The following NAALADL2 variants were observed in gnomAD, a reference collection of about 807,000 sequenced individuals.
The protein encoded by NAALADL2 is inactive N-acetylated-alpha-linked acidic dipeptidase-like protein 2.
A neutral mutation model predicts 87.2 loss-of-function variants in NAALADL2; 76 were observed. The ratio of observed to expected loss-of-function variants is 0.87; its 90% CI spans 0.72 to 1.05. The LOEUF is 1.05. Ranked by LOEUF, NAALADL2 falls within the 50% of genes least tolerant of loss-of-function variation. The pLI is 0.00. For missense variants in NAALADL2, 1,089 were observed against 945.8 expected (o/e 1.15, Z -1.99); for synonymous variants, 354 against 331.0 (o/e 1.07, Z -0.75).
At chr3:174,593,404 T>C (rs1037447555) in intron 2 of NAALADL2, among the ~76,000 whole-genome samples, 2 of 152,150 alleles carry the variant, frequency 1.3e-5, no homozygotes, top group African/African-American at 4.8e-5. Flanking sequence ...CTGCTATTCA[T>C]ATCTTTACTT....
At chr3:174,880,049 C>T (rs950020036) in intron 1 of NAALADL2, among the ~76,000 whole-genome samples, 5 of 152,032 alleles carry the variant, frequency 3.3e-5, no homozygotes, top group Middle Eastern at 3.2e-3. Flanking sequence ...TACCTGCTTT[C>T]TTAATATTGG....
chr3:174,800,659 C>A (rs1254600902), intron 3 of NAALADL2, among the ~76,000 whole-genome samples: 1 of 152,084 alleles, frequency 6.6e-6, no homozygotes, highest in Non-Finnish European at 1.5e-5. Context: ...GTCTTCCAGA[C>A]CCTGGAATGC....
At chr3:175,025,807 T>G (rs546216043) in intron 1 of NAALADL2, among the ~76,000 whole-genome samples, 2 of 152,222 alleles carry the variant, frequency 1.3e-5, no homozygotes, top group South Asian at 4.1e-4. Context: ...TTTTCAGTTT[T>G]GTTTATTTGT....
intron 10 of NAALADL2, among the ~76,000 whole-genome samples, chr3:175,587,192 A>G (rs2149590656): frequency 6.6e-6 from 1 of 152,338 alleles, no homozygotes; most frequent in Non-Finnish European, 1.5e-5. Flanking sequence ...GTAAAAGGAA[A>G]TAAATGCTTA....
chr3:175,168,831 C>T (rs572446326), intron 2 of NAALADL2, among the ~76,000 whole-genome samples: 25 of 151,834 alleles, frequency 1.6e-4, no homozygotes, highest in Admixed American at 1.1e-3. Context: ...TAAAAATATG[C>T]GGTAGGATAT....
chr3:175,460,847 C>A (rs114883884), intron 6 of NAALADL2, among the ~76,000 whole-genome samples: 1 of 152,094 alleles, frequency 6.6e-6, no homozygotes, highest in Non-Finnish European at 1.5e-5. Context: ...CCAAAGAGTG[C>A]GCAGCAGCAA....
chr3:175,225,728 CT>C (rs1019822495), intron 2 of NAALADL2, among the ~76,000 whole-genome samples: 1 of 151,974 alleles, frequency 6.6e-6, no homozygotes, highest in Non-Finnish European at 1.5e-5. Flanking sequence ...TCAAAAGTTT[CT>C]GTGTATTGAC....
At position 175,464,409 on chromosome 3, in the gene NAALADL2, G is replaced by A. The variant is rs563716041; in HGVS notation, c.1327+916G>A. On this transcript the variant is annotated intron_variant, in intron 7 of 13. Coordinates refer to ENST00000454872, the MANE Select transcript of NAALADL2 (RefSeq NM_207015.3). ...ACTGCTCTCTAGCCTGGGCAACAGA[G>A]AGAGACTCCATCTCAAAAAAAAAAA... Among the ~76,000 whole-genome samples the A allele has an allele frequency of 5.4e-4, 78 of 143,872 alleles. No homozygotes were observed. In the South Asian group the frequency reaches 0.016, roughly 30 times the overall value. The allele number at this position is 143,872 out of a possible 152,430, so 94.4% of individuals were successfully genotyped here.
At chr3:174,895,246 G>GT (rs945758868) in intron 1 of NAALADL2, among the ~76,000 whole-genome samples, 4 of 151,806 alleles carry the variant, frequency 2.6e-5, no homozygotes, top group Non-Finnish European at 5.9e-5. Flanking sequence ...CAAAGAGTTG[G>GT]TTTTTTGAAA....
intron 2 of NAALADL2, among the ~76,000 whole-genome samples, chr3:175,129,428 C>A (rs1727462496): frequency 6.6e-6 from 1 of 152,160 alleles, no homozygotes; most frequent in Non-Finnish European, 1.5e-5. Context: ...GCTCATTAAT[C>A]TTTTAACTAA....
intron 12 of NAALADL2, among the ~76,000 whole-genome samples, chr3:175,747,261 G>A (rs961019166): frequency 5.9e-5 from 9 of 151,898 alleles, no homozygotes; most frequent in East Asian, 3.9e-4. Context: ...CTATTCACAC[G>A]GCTTCCCATT....
At chr3:174,852,112 A>G (rs7638945) in intron 3 of NAALADL2, among the ~76,000 whole-genome samples, 10,183 of 152,226 alleles carry the variant, frequency 0.067, 429 homozygotes, top group East Asian at 0.11. Context: ...CACAGCTAGT[A>G]TTATGCTGAG....
chr3:174,994,284 TA>T (rs927375767), intron 1 of NAALADL2, among the ~76,000 whole-genome samples: 1 of 152,166 alleles, frequency 6.6e-6, no homozygotes, highest in African/African-American at 2.4e-5. Flanking sequence ...TATGGATTAA[TA>T]AAGTGTGGCA....
At position 175,259,304 on chromosome 3, in the gene NAALADL2, A is replaced by G. The variant is rs556695925; in HGVS notation, c.939+2774A>G. Among the ~76,000 whole-genome samples the G allele has an allele frequency of 4.1e-4, 63 of 152,312 alleles. 1 individual carries two copies. The South Asian group carries it at 0.013, about 31-fold the overall frequency. ...CCCAAAAGCAGACCTGAGCTGGTGG[A>G]GGGGCAAGAAGATACGATTTTAAAT... On this transcript the variant is annotated intron_variant, in intron 4 of 13. Coordinates refer to ENST00000454872, the MANE Select transcript of NAALADL2 (RefSeq NM_207015.3).
chr3:175,674,416 C>T (rs1392227555), intron 11 of NAALADL2, among the ~76,000 whole-genome samples: 3 of 151,412 alleles, frequency 2.0e-5, no homozygotes, highest in Admixed American at 6.6e-5. Flanking sequence ...CACACCACCA[C>T]CCCTGGCTAA....
intron 1 of NAALADL2, among the ~76,000 whole-genome samples, chr3:175,035,846 A>G (rs2108939104): frequency 6.6e-6 from 1 of 152,286 alleles, no homozygotes; most frequent in East Asian, 1.9e-4. Context: ...CCTAAGTCCA[A>G]CCTGGACTGA....
chr3:174,496,011 T>A (rs531383163), intron 1 of NAALADL2, among the ~76,000 whole-genome samples: 1 of 152,076 alleles, frequency 6.6e-6, no homozygotes, highest in Non-Finnish European at 1.5e-5. Context: ...CAGCTAAAAT[T>A]TTTTGATTGT....
At chr3:175,687,893 G>A (rs1298752113) in intron 11 of NAALADL2, among the ~76,000 whole-genome samples, 1 of 151,972 alleles carries the variant, frequency 6.6e-6, no homozygotes, top group Non-Finnish European at 1.5e-5. Context: ...CTTCCGCCAT[G>A]ATTGTGAGCT....
chr3:175,349,468 G>A (rs1401617176), intron 5 of NAALADL2, among the ~76,000 whole-genome samples: 1 of 152,150 alleles, frequency 6.6e-6, no homozygotes, highest in Non-Finnish European at 1.5e-5. Context: ...GAGGTAACTG[G>A]AAAAGGCCCA....
Sources: allele counts gnomAD v4.1 joint callset (sites outside exome capture counted in the v4.1 genomes callset), GRCh38; gene constraint gnomAD v4.1.1; transcripts MANE v1.5; gene names NCBI Gene and HGNC (gene_info 2026-07-23, HGNC 2026-07-21).